PTPRD: variants seen among roughly 807,000 people sequenced by gnomAD.
The protein encoded by PTPRD is protein tyrosine phosphatase receptor type D.
PTPRD carries 34 observed loss-of-function variants against 214.5 expected under a neutral mutation model. That is an observed-to-expected ratio of 0.16 (90% CI 0.12 to 0.21). The LOEUF (loss-of-function observed/expected upper bound fraction) is 0.21, where lower values mean the gene tolerates loss of function less well. Among genes scored for constraint, PTPRD ranks in the 10% least tolerant of loss-of-function variants. PTPRD has a pLI of 1.00. For synonymous variants in PTPRD, 1,128 were observed against 845.7 expected, an observed-to-expected ratio of 1.33 and a Z score of -5.79; for missense variants, 2,545 against 2,398.7, an observed-to-expected ratio of 1.06 and a Z score of -1.27.
chr9:9,057,884 A>T (rs2099699227), intron 10 of PTPRD, among the ~76,000 whole-genome samples: 2 of 152,216 alleles, frequency 1.3e-5, no homozygotes, highest in African/African-American at 4.8e-5. Context: ...ATATTAGCAC[A>T]AGACATAATT....
chr9:8,432,643 G>C (rs1163093752), intron 35 of PTPRD, among the ~76,000 whole-genome samples: 2 of 152,174 alleles, frequency 1.3e-5, no homozygotes, highest in Admixed American at 1.3e-4. Flanking sequence ...CTGAAAGCCA[G>C]TAAAAATCTA....
At chr9:8,749,266 C>T (rs1057285465) in intron 11 of PTPRD, among the ~76,000 whole-genome samples, 3 of 152,160 alleles carry the variant, frequency 2.0e-5, no homozygotes, top group African/African-American at 7.2e-5. Context: ...CCAGCAATTT[C>T]CGCCTCCGGG....
intron 2 of PTPRD, among the ~76,000 whole-genome samples, chr9:10,343,205 C>A (rs181405556): frequency 2.0e-5 from 3 of 152,080 alleles, no homozygotes; most frequent in Admixed American, 2.0e-4. Flanking sequence ...TCACTTCCCA[C>A]CTATGAGTGA....
At chr9:9,942,622 T>C (rs997729795) in intron 4 of PTPRD, among the ~76,000 whole-genome samples, 4 of 152,222 alleles carry the variant, frequency 2.6e-5, no homozygotes, top group East Asian at 3.9e-4. Flanking sequence ...ATCTACAAGA[T>C]TGCTTGGGTG....
chr9:8,456,150 T>G (rs1248282743), intron 33 of PTPRD, among the ~76,000 whole-genome samples: 2 of 152,202 alleles, frequency 1.3e-5, no homozygotes, highest in Admixed American at 1.3e-4. Context: ...TGCCAGGCAC[T>G]CTACTAGGCA....
intron 9 of PTPRD, among the ~76,000 whole-genome samples, chr9:9,296,385 C>T (rs1953049452): frequency 6.6e-6 from 1 of 151,698 alleles, no homozygotes; most frequent in African/African-American, 2.4e-5. Context: ...GGGATAATTG[C>T]TCCATCATTA....
chr9:8,373,008 C>T (rs561449635), intron 39 of PTPRD, among the ~76,000 whole-genome samples: 2 of 152,032 alleles, frequency 1.3e-5, no homozygotes, highest in Admixed American at 6.6e-5. Context: ...AATCACAACA[C>T]AAAATACAGT....
intron 11 of PTPRD, among the ~76,000 whole-genome samples, chr9:9,012,792 G>C (rs2099517107): frequency 6.6e-6 from 1 of 152,044 alleles, no homozygotes. Flanking sequence ...GTATATTCTT[G>C]CCACTATATC....
chr9:8,809,975 A>AG (rs762516547), intron 11 of PTPRD, among the ~76,000 whole-genome samples: 2 of 152,210 alleles, frequency 1.3e-5, no homozygotes, highest in African/African-American at 2.4e-5. Flanking sequence ...CTGCTATCAG[A>AG]GAAGCTATGA....
intron 14 of PTPRD, among the ~76,000 whole-genome samples, chr9:8,605,179 G>A (rs1346135823): frequency 6.6e-6 from 1 of 152,116 alleles, no homozygotes; most frequent in Non-Finnish European, 1.5e-5. Flanking sequence ...AACATAATAT[G>A]CCTCAGCAGA....
intron 8 of PTPRD, among the ~76,000 whole-genome samples, chr9:9,533,951 A>G (rs1710718675): frequency 6.6e-6 from 1 of 152,074 alleles, no homozygotes; most frequent in South Asian, 2.1e-4. Flanking sequence ...ATTCATAATA[A>G]TTATATGATG....
chr9:8,941,534 C>T lies in PTPRD; in HGVS notation c.-104+77163G>A, dbSNP rs10977380. Among the ~76,000 whole-genome samples the T allele has an allele frequency of 7.6e-4, 115 of 152,248 alleles. 1 individual carries two copies. The East Asian group carries it at 0.02, about 26-fold the overall frequency. On this transcript the variant is annotated intron_variant, in intron 11 of 45. Coordinates refer to ENST00000381196, the MANE Select transcript of PTPRD (RefSeq NM_002839.4). ...AAGTAACTTAACCTCACTTAATAGC[C>T]TACTTTCCTTTTTTATAAGACAAGG...
intron 12 of PTPRD, among the ~76,000 whole-genome samples, chr9:8,653,768 T>C (rs2096857788): frequency 2.0e-5 from 3 of 152,208 alleles, no homozygotes; most frequent in Admixed American, 6.5e-5. Context: ...CCATCAAACA[T>C]GAACTTGATG....
At chr9:10,124,227 TAGA>T (rs1286621291) in intron 3 of PTPRD, among the ~76,000 whole-genome samples, 2 of 152,294 alleles carry the variant, frequency 1.3e-5, no homozygotes, top group Non-Finnish European at 2.9e-5. Context: ...AAACACAAGT[TAGA>T]AGAAGTTACT....
chr9:10,293,250 G>A (rs1209035541), intron 3 of PTPRD, among the ~76,000 whole-genome samples: 1 of 151,744 alleles, frequency 6.6e-6, no homozygotes, highest in African/African-American at 2.4e-5. Flanking sequence ...TCCTGAAAGA[G>A]GTATAGAAAA....
intron 11 of PTPRD, among the ~76,000 whole-genome samples, chr9:8,856,944 T>C (rs928944531): frequency 6.6e-6 from 1 of 152,170 alleles, no homozygotes; most frequent in Non-Finnish European, 1.5e-5. Context: ...GGAAAGCAAA[T>C]AATCTTTGGT....
At chr9:10,032,258 GTGTAACATCT>G (rs2097096026) in intron 4 of PTPRD, among the ~76,000 whole-genome samples, 1 of 152,052 alleles carries the variant, frequency 6.6e-6, no homozygotes, top group African/African-American at 2.4e-5. Flanking sequence ...TCTCTTCATA[GTGTAACATCT>G]TGTAGCCCAA....
At chr9:10,133,744 G>A (rs2098920614) in intron 3 of PTPRD, among the ~76,000 whole-genome samples, 2 of 152,100 alleles carry the variant, frequency 1.3e-5, no homozygotes, top group South Asian at 4.1e-4. Context: ...ATTTTTGAAT[G>A]AAGAATGCTT....
At chr9:9,461,802 G>A (rs2093683326) in intron 8 of PTPRD, among the ~76,000 whole-genome samples, 1 of 152,108 alleles carries the variant, frequency 6.6e-6, no homozygotes. Flanking sequence ...TAAATGAACT[G>A]TGCAGAGAAT....
Sources: gnomAD v4.1 joint callset for allele counts (sites outside exome capture counted in the v4.1 genomes callset) on GRCh38, gnomAD v4.1.1 for gene constraint, MANE v1.5 for transcripts, NCBI Gene and HGNC (gene_info 2026-07-23, HGNC 2026-07-21) for gene names.